OSBPL10: variants seen among roughly 807,000 people sequenced by gnomAD.
The protein encoded by OSBPL10 is oxysterol binding protein like 10, also known as oxysterol-binding protein-related protein 10.
Under a neutral mutation model 81.7 loss-of-function variants are expected in OSBPL10, and 49 were observed. That is an observed-to-expected ratio of 0.60 (90% CI 0.48 to 0.76). The LOEUF is 0.76. Among genes scored for constraint, OSBPL10 ranks in the 30% least tolerant of loss-of-function variants. The pLI is 0.00. For missense variants in OSBPL10, 923 were observed against 987.8 expected, an observed-to-expected ratio of 0.93 and a Z score of 0.88; for synonymous variants, 419 against 383.6, an observed-to-expected ratio of 1.09 and a Z score of -1.08.
chr3:31,853,217 C>T (rs892986718), intron 3 of OSBPL10, among the ~76,000 whole-genome samples: 1 of 152,232 alleles, frequency 6.6e-6, no homozygotes, highest in South Asian at 2.1e-4. Flanking sequence ...TAGTTCCTGA[C>T]CTGGCCTAAA....
At chr3:32,021,979 G>GAAA (rs35470488) in intron 2 of OSBPL10, among the ~76,000 whole-genome samples, 1 of 145,398 alleles carries the variant, frequency 6.9e-6, no homozygotes, top group Admixed American at 6.9e-5. Context: ...AATCTGTCTC[G>GAAA]AAAAAAAAAA....
chr3:31,682,124 C>T (rs1443133141), intron 8 of OSBPL10, among the ~76,000 whole-genome samples: 2 of 152,156 alleles, frequency 1.3e-5, no homozygotes, highest in African/African-American at 4.8e-5. Flanking sequence ...CATTTACTTC[C>T]TCCACTATTT....
chr3:31,794,424 G>A (rs1007367540), intron 4 of OSBPL10: 2 of 162,048 alleles, frequency 1.2e-5, no homozygotes, highest in East Asian at 1.8e-4. Context: ...GAAGTGCTGG[G>A]ATTACAGCCG....
At chr3:32,050,368 T>G (rs888047082) in intron 1 of OSBPL10, among the ~76,000 whole-genome samples, 2 of 152,230 alleles carry the variant, frequency 1.3e-5, no homozygotes, top group Non-Finnish European at 2.9e-5. Flanking sequence ...AATGAGTCCT[T>G]TCTGGTTTGA....
intron 2 of OSBPL10, among the ~76,000 whole-genome samples, chr3:31,998,785 C>T (rs1300987266): frequency 6.6e-6 from 1 of 152,134 alleles, no homozygotes; most frequent in Non-Finnish European, 1.5e-5. Flanking sequence ...ATTGGTTTTT[C>T]TGTCCCTACT....
chr3:31,852,575 T>TG (rs1700797700), intron 3 of OSBPL10, among the ~76,000 whole-genome samples: 1 of 150,996 alleles, frequency 6.6e-6, no homozygotes, highest in African/African-American at 2.4e-5. Context: ...TTTTTCCTTT[T>TG]TTTGTTTGTT....
intron 6 of OSBPL10, among the ~76,000 whole-genome samples, chr3:31,706,021 T>C (rs546369153): frequency 6.6e-6 from 1 of 152,248 alleles, no homozygotes; most frequent in East Asian, 1.9e-4. Flanking sequence ...AAAATATGTT[T>C]TAAAGAGAAG....
chr3:31,934,897 G>A (rs1205054237), intron 1 of OSBPL10, among the ~76,000 whole-genome samples: 1 of 152,074 alleles, frequency 6.6e-6, no homozygotes, highest in African/African-American at 2.4e-5. Flanking sequence ...TAAACAATCG[G>A]GGCTCTATTT....
At chr3:31,925,920 A>G (rs1420744642) in intron 1 of OSBPL10, among the ~76,000 whole-genome samples, 2 of 152,224 alleles carry the variant, frequency 1.3e-5, no homozygotes, top group Non-Finnish European at 2.9e-5. Flanking sequence ...CTTTTCTGTT[A>G]TGAAGGCCAC....
intron 5 of OSBPL10, among the ~76,000 whole-genome samples, chr3:31,743,858 A>G (rs1476020749): frequency 6.6e-6 from 1 of 152,192 alleles, no homozygotes; most frequent in Non-Finnish European, 1.5e-5. Context: ...CATAACCATT[A>G]TATTTTTATC....
chr3:31,809,975 G>T (rs142707666), intron 4 of OSBPL10, among the ~76,000 whole-genome samples: 1 of 147,486 alleles, frequency 6.8e-6, no homozygotes, highest in Non-Finnish European at 1.5e-5. Flanking sequence ...GGATTCAAGC[G>T]ATTCTCCTGC....
chr3:31,909,044 T>C (rs1349358189), intron 1 of OSBPL10, among the ~76,000 whole-genome samples: 2 of 152,206 alleles, frequency 1.3e-5, no homozygotes, highest in Non-Finnish European at 2.9e-5. Flanking sequence ...TGCTAAAACA[T>C]AGCTAGCATT....
At chr3:31,927,867 A>G (rs2125715024) in intron 1 of OSBPL10, among the ~76,000 whole-genome samples, 1 of 152,334 alleles carries the variant, frequency 6.6e-6, no homozygotes, top group Non-Finnish European at 1.5e-5. Flanking sequence ...GAATCTTCAC[A>G]TCTTTGTATG....
At chr3:31,993,914 T>A (rs4955218) in intron 2 of OSBPL10, among the ~76,000 whole-genome samples, 52,776 of 152,150 alleles carry the variant, frequency 0.35, 12,818 homozygotes, top group African/African-American at 0.68. Flanking sequence ...AAAAACTTGT[T>A]TGTGAATGTT....
intron 2 of OSBPL10, among the ~76,000 whole-genome samples, chr3:32,043,446 C>A (rs892434491): frequency 1.2e-4 from 18 of 152,184 alleles, no homozygotes; most frequent in African/African-American, 4.1e-4. Context: ...ACAATTATCA[C>A]AGTGGTCCTG....
intron 4 of OSBPL10, among the ~76,000 whole-genome samples, chr3:31,805,979 G>A (rs894757309): frequency 6.6e-6 from 1 of 152,200 alleles, no homozygotes; most frequent in African/African-American, 2.4e-5. Context: ...AAGCAACACT[G>A]TCACTATCTG....
At chr3:31,693,373 G>A (rs1695613852) in intron 7 of OSBPL10, among the ~76,000 whole-genome samples, 1 of 152,210 alleles carries the variant, frequency 6.6e-6, no homozygotes, top group Non-Finnish European at 1.5e-5. Context: ...CTAAGAAGAT[G>A]TTCACTATAT....
chr3:31,890,787 T>C (rs148983651), intron 1 of OSBPL10, among the ~76,000 whole-genome samples: 5 of 152,280 alleles, frequency 3.3e-5, no homozygotes, highest in African/African-American at 1.2e-4. Flanking sequence ...TAGGTGAAAA[T>C]TTCGATACCA....
intron 1 of OSBPL10, among the ~76,000 whole-genome samples, chr3:31,912,381 C>T (rs990614201): frequency 6.8e-5 from 9 of 131,640 alleles, no homozygotes; most frequent in African/African-American, 1.5e-4. Flanking sequence ...GGCGACAGGG[C>T]GAGACTCTGT....
Sources: gnomAD v4.1 joint callset for allele counts (sites outside exome capture counted in the v4.1 genomes callset) on GRCh38, gnomAD v4.1.1 for gene constraint, MANE v1.5 for transcripts, NCBI Gene and HGNC (gene_info 2026-07-23, HGNC 2026-07-21) for gene names.